The following CFAP61 variants were observed in gnomAD, a reference collection of about 807,000 sequenced individuals.
The protein encoded by CFAP61 is cilia- and flagella-associated protein 61.
Under a neutral mutation model 135.6 loss-of-function variants are expected in CFAP61, and 107 were observed. The ratio of observed to expected loss-of-function variants is 0.79; its 90% CI spans 0.67 to 0.93. The LOEUF is 0.93. Among genes scored for constraint, CFAP61 ranks in the 40% least tolerant of loss-of-function variants. The pLI is 0.00. For synonymous variants in CFAP61, 575 were observed against 578.5 expected (o/e 0.99, Z 0.09); for missense variants, 1,507 against 1,556.2 (o/e 0.97, Z 0.53).
chr20:20,072,840 T>C (rs1238699500), intron 3 of CFAP61, among the ~76,000 whole-genome samples: 1 of 152,236 alleles, frequency 6.6e-6, no homozygotes, highest in African/African-American at 2.4e-5. Flanking sequence ...ATTTTTATAA[T>C]GATTACTTGT....
At chr20:20,358,033 C>CTGAGGGGAGGTGGTCATAGTG (rs1569336276) in intron 26 of CFAP61, among the ~76,000 whole-genome samples, 65 of 43,424 alleles carry the variant, frequency 1.5e-3, no homozygotes, top group East Asian at 4.0e-3. Flanking sequence ...GGTGGTCACA[C>CTGAGGGGAGGTGGTCATAGTG]TGAGGAGAGG....
chr20:20,283,614 G>A (rs996710995), intron 22 of CFAP61, among the ~76,000 whole-genome samples: 2 of 152,226 alleles, frequency 1.3e-5, no homozygotes, highest in East Asian at 1.9e-4. Flanking sequence ...GGACTCTTAA[G>A]GCTAAAATCA....
At chr20:20,085,473 G>C in intron 6 of CFAP61, 1 of 1,366,556 alleles carries the variant, frequency 7.3e-7, no homozygotes, top group Non-Finnish European at 9.8e-7. Flanking sequence ...GCTTAAGAGA[G>C]AGCCTCTTCA....
At chr20:20,166,288 T>C (rs2146814542) in intron 11 of CFAP61, 109 bp from the exon 12 acceptor site, 13 of 801,256 alleles carry the variant, frequency 1.6e-5, no homozygotes, top group Middle Eastern at 2.3e-4. Flanking sequence ...TTCTGACTAG[T>C]GGTTGGCTAA....
chr20:20,329,500 T>G (rs767755361), intron 25 of CFAP61, among the ~76,000 whole-genome samples: 22 of 152,212 alleles, frequency 1.4e-4, no homozygotes, highest in Non-Finnish European at 3.1e-4. Context: ...CAGCTGCATT[T>G]AGCAGGGCCC....
chr20:20,173,232 A>T (rs2054360244), intron 13 of CFAP61, among the ~76,000 whole-genome samples: 1 of 152,254 alleles, frequency 6.6e-6, no homozygotes, highest in African/African-American at 2.4e-5. Flanking sequence ...TAAAGCTGCT[A>T]TAAACATTCA....
intron 10 of CFAP61, among the ~76,000 whole-genome samples, chr20:20,163,052 A>G (rs1176570771): frequency 1.3e-5 from 2 of 152,238 alleles, no homozygotes; most frequent in Non-Finnish European, 2.9e-5. Context: ...TTGTTCAGAA[A>G]TATAGAGGTA....
intron 24 of CFAP61, among the ~76,000 whole-genome samples, chr20:20,293,097 C>G (rs2055121127): frequency 6.6e-6 from 1 of 152,184 alleles, no homozygotes; most frequent in African/African-American, 2.4e-5. Flanking sequence ...TTGATCATCA[C>G]AGATAAATAA....
At chr20:20,164,963 T>C (rs554401378) in intron 11 of CFAP61, among the ~76,000 whole-genome samples, 2 of 152,282 alleles carry the variant, frequency 1.3e-5, no homozygotes, top group South Asian at 4.2e-4. Flanking sequence ...ATGAGACTTA[T>C]TCAATACCAC....
At chr20:20,212,792 GGA>G (rs1347963599) in intron 17 of CFAP61, among the ~76,000 whole-genome samples, 1 of 152,194 alleles carries the variant, frequency 6.6e-6, no homozygotes, top group Non-Finnish European at 1.5e-5. Flanking sequence ...GCTTGGTGGT[GGA>G]GAGTTAATTG....
intron 13 of CFAP61, among the ~76,000 whole-genome samples, chr20:20,181,623 AAG>A (rs1418805263): frequency 6.6e-6 from 1 of 152,070 alleles, no homozygotes; most frequent in African/African-American, 2.4e-5. Flanking sequence ...GAGAAAGCAT[AAG>A]AGAGAGGTGA....
rs141324372 is a variant in CFAP61 at position 20,211,282 on chromosome 20, G to A, written c.1932+11380G>A. 1.1e-3 allele frequency among the ~76,000 whole-genome samples: 171 copies of A among 152,318 alleles called. 2 individuals carry two copies. The highest frequency in any genetic ancestry group is 3.9e-3 in the African/African-American group (162 of 41,596). The stretch of plus-strand genomic sequence containing the variant: ...CACGTGGCCTTGGTCGAGTGGGCAG[G>A]GACTGCCTTTCACCTCTGTGTTCCA... On this transcript the variant is annotated intron_variant, in intron 17 of 26. Coordinates refer to ENST00000245957, the MANE Select transcript of CFAP61 (RefSeq NM_015585.4).
At chr20:20,056,570 G>C in intron 1 of CFAP61, 48 bp from the exon 2 acceptor site, 1 of 1,309,944 alleles carries the variant, frequency 7.6e-7, no homozygotes, top group South Asian at 1.3e-5. Flanking sequence ...TTAGTGTTCA[G>C]TTTTGTGTGT....
At chr20:20,332,690 C>T (rs2058045923) in intron 25 of CFAP61, among the ~76,000 whole-genome samples, 1 of 152,142 alleles carries the variant, frequency 6.6e-6, no homozygotes. Flanking sequence ...GATCATAGCT[C>T]ACTACAGCCT....
chr20:20,094,753 C>A (rs2047444009), intron 7 of CFAP61: 1 of 152,262 alleles, frequency 6.6e-6, no homozygotes, highest in Non-Finnish European at 1.5e-5. Context: ...GGGGAGACCA[C>A]AGACCTCGAT....
chr20:20,161,067 A>G (rs139378744), intron 10 of CFAP61, among the ~76,000 whole-genome samples: 2 of 152,252 alleles, frequency 1.3e-5, no homozygotes, highest in East Asian at 3.9e-4. Flanking sequence ...CAAGTAAACT[A>G]CTGACTCTCA....
chr20:20,234,514 C>T (rs879463391), intron 18 of CFAP61, among the ~76,000 whole-genome samples: 1 of 152,134 alleles, frequency 6.6e-6, no homozygotes, highest in East Asian at 1.9e-4. Flanking sequence ...CTGAAGAGGA[C>T]ACAGGTGTAC....
intron 8 of CFAP61, among the ~76,000 whole-genome samples, chr20:20,125,729 T>C (rs528224156): frequency 6.6e-6 from 1 of 151,852 alleles, no homozygotes; most frequent in Non-Finnish European, 1.5e-5. Flanking sequence ...ATCTGTTAAG[T>C]CCATTTGTTC....
At chr20:20,193,703 T>C (rs1317325442) in intron 15 of CFAP61, among the ~76,000 whole-genome samples, 1 of 152,138 alleles carries the variant, frequency 6.6e-6, no homozygotes, top group East Asian at 1.9e-4. Flanking sequence ...AGCCTCTGCC[T>C]CCCGGGTTCA....
Sources: allele counts gnomAD v4.1 joint callset (sites outside exome capture counted in the v4.1 genomes callset), GRCh38; gene constraint gnomAD v4.1.1; transcripts MANE v1.5; gene names NCBI Gene and HGNC (gene_info 2026-07-23, HGNC 2026-07-21).